KAT6A: variants seen among roughly 807,000 people sequenced by gnomAD.
KAT6A encodes the protein lysine acetyltransferase 6A.
Under a neutral mutation model 198.4 loss-of-function variants are expected in KAT6A, and 9 were observed. The ratio of observed to expected loss-of-function variants is 0.05; its 90% CI spans 0.03 to 0.08. The LOEUF (loss-of-function observed/expected upper bound fraction) is 0.08. Among genes scored for constraint, KAT6A ranks in the 10% least tolerant of loss-of-function variants. KAT6A has a pLI of 1.00. For synonymous variants in KAT6A, 890 were observed against 883.0 expected (o/e 1.01, Z -0.14); for missense variants, 2,077 against 2,509.9 (o/e 0.83, Z 3.69).
rs1349979748 is a variant in KAT6A, at chr8:41,929,691, T to G, written c.*2514A>C. 1 of 194,214 alleles carries G rather than the reference T, an allele frequency of 5.1e-6. No homozygotes were observed. Among genetic ancestry groups the G allele is most frequent in the Non-Finnish European group, 1.1e-5 (1 of 93,086 alleles). 12.0% of individuals were successfully genotyped at this position (194,214 alleles called of 1,614,324 possible). On this transcript the variant is annotated 3_prime_UTR_variant, in exon 17 of 17. Transcript: ENST00000265713. The stretch of plus-strand genomic sequence containing the variant: ...CACCATGAACAAAGTACAAAGAGGT[T>G]ACAAAACAGGAAAAGCAAATATAAA...
At chr8:41,952,047 C>T (rs1464323274) in intron 9 of KAT6A, among the ~76,000 whole-genome samples, 1 of 152,176 alleles carries the variant, frequency 6.6e-6, no homozygotes, top group Non-Finnish European at 1.5e-5. Context: ...CAGAATTACA[C>T]CAGAGATGCT....
chr8:41,980,917 A>C lies in KAT6A; in HGVS notation c.836T>G (p.Leu279Arg). 1 of 1,611,330 alleles carries C rather than the reference A, an allele frequency of 6.2e-7. No individual in the cohort carries two copies. Among genetic ancestry groups the C allele is most frequent in the Non-Finnish European group, 8.5e-7 (1 of 1,177,966 alleles). The change falls in exon 5 of 17, where the codon CTC becomes CGC. Residue 279 changes from leucine (L) to arginine (R), a missense_variant. Coordinates refer to ENST00000265713, the MANE Select transcript of KAT6A (RefSeq NM_006766.5). ...ACCTCGGTCACATGAATCACAAAAG[A>C]GCATGTTATCCTATTAGAAAAAAGA... ...RDQGKNADNM[L>R]FCDSCDRGFH...
chr8:41,941,576 A>C, intron 14 of KAT6A, 132 bp from the exon 15 acceptor site: 1 of 887,948 alleles, frequency 1.1e-6, no homozygotes, highest in East Asian at 2.6e-5. Flanking sequence ...TCAGTTATTT[A>C]ACATGGATAT....
rs1168955274 is a variant in KAT6A at position 41,930,680 on chromosome 8, ATATG to A, written c.*1521_*1524del. Reference sequence around the variant, plus strand: ...CTAATGATGGAATATATATATATATATATGTGTGTGTGTGTGTGTGTGTGTGTGT... The same window carrying A: ...CTAATGATGGAATATATATATATATATGTGTGTGTGTGTGTGTGTGTGTGT... On this transcript the variant is annotated 3_prime_UTR_variant, in exon 17 of 17. Coordinates refer to ENST00000265713, the MANE Select transcript of KAT6A (RefSeq NM_006766.5). The A allele has an allele frequency of 9.0e-5, 12 of 132,920 alleles. No individual in the cohort carries two copies. The highest frequency in any genetic ancestry group is 3.2e-3 in the Middle Eastern group (1 of 312). The allele number at this position is 132,920 out of a possible 1,614,324, so 8.2% of individuals were successfully genotyped here.
At chr8:42,037,795 T>A (rs2277132) in intron 2 of KAT6A, among the ~76,000 whole-genome samples, 15,908 of 151,402 alleles carry the variant, frequency 0.11, 1,065 homozygotes, top group East Asian at 0.25. Flanking sequence ...TTTACAAACA[T>A]CTGTCCTCAA....
chr8:42,045,105 T>G (rs1472779851), intron 2 of KAT6A, among the ~76,000 whole-genome samples: 1 of 152,176 alleles, frequency 6.6e-6, no homozygotes, highest in African/African-American at 2.4e-5. Flanking sequence ...ACACAGGAAA[T>G]TCACTACTGA....
At chr8:41,944,126 A>G (rs527422448) in intron 12 of KAT6A, 147 bp from the exon 13 acceptor site, 50 of 603,522 alleles carry the variant, frequency 8.3e-5, no homozygotes, top group African/African-American at 7.8e-4. Context: ...AACAAATTGC[A>G]AAACTACTTC....
At chr8:42,002,853 TTTCCTTAGGACATA>T (rs1825563358) in intron 2 of KAT6A, among the ~76,000 whole-genome samples, 2 of 152,230 alleles carry the variant, frequency 1.3e-5, no homozygotes, top group Non-Finnish European at 2.9e-5. Context: ...TTTTGGATTA[TTTCCTTAGGACATA>T]TTCCTTGAAC....
intron 2 of KAT6A, among the ~76,000 whole-genome samples, chr8:42,014,226 C>T (rs760332248): frequency 2.0e-5 from 3 of 152,236 alleles, no homozygotes; most frequent in South Asian, 2.1e-4. Flanking sequence ...CTGTACTAGA[C>T]GTGATGTGTG....
chr8:42,012,039 G>T (rs1826045654), intron 2 of KAT6A, among the ~76,000 whole-genome samples: 1 of 152,124 alleles, frequency 6.6e-6, no homozygotes, highest in Non-Finnish European at 1.5e-5. Context: ...TTAGGGAAAT[G>T]CAAATTAAAA....
intron 15 of KAT6A, among the ~76,000 whole-genome samples, chr8:41,940,610 T>TA (rs1397053813): frequency 6.6e-6 from 1 of 152,200 alleles, no homozygotes; most frequent in African/African-American, 2.4e-5. Flanking sequence ...AGCCCTTAAA[T>TA]AAGCTTATGA....
chr8:42,000,989 A>C (rs79208978), intron 2 of KAT6A, among the ~76,000 whole-genome samples: 1,711 of 152,316 alleles, frequency 0.011, 17 homozygotes, highest in Non-Finnish European at 0.017. Context: ...CAATCTATAG[A>C]TAAAACGTGA....
chr8:41,991,579 A>C (rs1449770702), intron 2 of KAT6A, among the ~76,000 whole-genome samples: 1 of 152,346 alleles, frequency 6.6e-6, no homozygotes, highest in African/African-American at 2.4e-5. Context: ...GTACACTTAT[A>C]ATCTGTGCAT....
Position 41,977,147 on chromosome 8 carries a change from C to A in KAT6A, c.1224G>T (p.Gly408=). ...AAAATTTGGTAAGGCCATCAATGAG[C>A]CCTTTGGTTTTCTTGTTGAACTTCA... ...VSLKFNKKTK[G]LIDGLTKFFT... is the part of the protein sequence containing the mutation. The change falls in exon 7 of 17, where the codon GGG becomes GGT. Residue 408 remains glycine, a synonymous_variant. Transcript: ENST00000265713. The A allele has an allele frequency of 6.2e-7, 1 of 1,614,136 alleles. No individual in the cohort carries two copies.
At chr8:41,940,757 C>G (rs1822070905) in intron 15 of KAT6A, 85 bp downstream of exon 15, 1 of 1,483,476 alleles carries the variant, frequency 6.7e-7, no homozygotes, top group African/African-American at 1.4e-5. Flanking sequence ...CTAACTTATA[C>G]TCTTTCAGAA....
At chr8:42,000,395 A>T (rs1211832140) in intron 2 of KAT6A, among the ~76,000 whole-genome samples, 1 of 152,054 alleles carries the variant, frequency 6.6e-6, no homozygotes, top group Non-Finnish European at 1.5e-5. Context: ...TACCAAAAAT[A>T]CAAAAATTAG....
At chr8:41,947,061 A>T (rs1229980877) in intron 11 of KAT6A, among the ~76,000 whole-genome samples, 3 of 152,224 alleles carry the variant, frequency 2.0e-5, no homozygotes, top group Non-Finnish European at 4.4e-5. Flanking sequence ...ATTATGTCAG[A>T]GTTTTCTTTC....
At chr8:42,030,217 G>A (rs948117184) in intron 2 of KAT6A, among the ~76,000 whole-genome samples, 1 of 152,176 alleles carries the variant, frequency 6.6e-6, no homozygotes, top group Admixed American at 6.5e-5. Context: ...CAGGGCCCAT[G>A]AAGGCCAAGA....
Position 41,932,739 on chromosome 8 carries a change from C to G in KAT6A, c.5481G>C (p.Leu1827=). 1.2e-6 allele frequency: 2 copies of G among 1,614,226 alleles called. No individual in the cohort carries two copies. Among genetic ancestry groups the G allele is most frequent in the Non-Finnish European group, 1.7e-6 (2 of 1,180,040 alleles). ...ASTTMNLTSP[L]LQCNMSATNI... ...TGGTGGCAGACATGTTGCACTGAAG[C>G]AGAGGAGATGTGAGGTTCATGGTAG... Residue 1827 remains leucine (L), a synonymous_variant, in exon 17 of 17, where the codon CTG becomes CTC. Transcript: ENST00000265713.
Sources: allele counts gnomAD v4.1 joint callset (sites outside exome capture counted in the v4.1 genomes callset), GRCh38; gene constraint gnomAD v4.1.1; transcripts MANE v1.5; gene names NCBI Gene and HGNC (gene_info 2026-07-23, HGNC 2026-07-21).